Variants in CACNA2D3 observed in about 807,000 individuals in gnomAD.
CACNA2D3 encodes the protein voltage-dependent calcium channel subunit alpha-2/delta-3.
A neutral mutation model predicts 160.6 loss-of-function variants in CACNA2D3; 60 were observed. The observed-to-expected ratio is 0.37, with a 90% CI of 0.30 to 0.46. The LOEUF is 0.46. CACNA2D3 is among the 20% of genes least tolerant of loss of function. CACNA2D3 has a pLI of 1.00. For missense variants in CACNA2D3, 1,205 were observed against 1,365.0 expected (o/e 0.88, Z 1.85); for synonymous variants, 558 against 492.9 (o/e 1.13, Z -1.75).
chr3:54,165,765 T>G (rs1444821444), intron 2 of CACNA2D3, among the ~76,000 whole-genome samples: 1 of 152,082 alleles, frequency 6.6e-6, no homozygotes, highest in African/African-American at 2.4e-5. Context: ...GCTACTGCAC[T>G]CCAGCTTGGG....
chr3:54,571,060 C>G lies in CACNA2D3; in HGVS notation c.888+956C>G, dbSNP rs368269094. 2.3e-3 allele frequency among the ~76,000 whole-genome samples: 354 copies of G among 152,200 alleles called. 3 individuals carry two copies. The South Asian group carries it at 0.031, about 13-fold the overall frequency. On this transcript the variant is annotated intron_variant, in intron 8 of 37. Coordinates refer to ENST00000474759, the MANE Select transcript of CACNA2D3 (RefSeq NM_018398.3). ...TTCAGTCAAATACATTTAAGAAATACATTGGTTTGGTCCGGAAAGGCAGGA... is the reference window on the plus strand; with the variant it reads ...TTCAGTCAAATACATTTAAGAAATAGATTGGTTTGGTCCGGAAAGGCAGGA...
At chr3:55,002,542 G>A (rs944672643) in intron 31 of CACNA2D3, among the ~76,000 whole-genome samples, 2 of 152,336 alleles carry the variant, frequency 1.3e-5, no homozygotes, top group African/African-American at 2.4e-5. Flanking sequence ...TGGTGAGAGC[G>A]TTTCTGTGAG....
chr3:54,465,368 T>A (rs1700603001), intron 4 of CACNA2D3, among the ~76,000 whole-genome samples: 1 of 152,214 alleles, frequency 6.6e-6, no homozygotes, highest in African/African-American at 2.4e-5. Flanking sequence ...CATTACTTTA[T>A]TACAGTAATT....
At chr3:54,445,132 C>A (rs1451436677) in intron 4 of CACNA2D3, among the ~76,000 whole-genome samples, 5 of 152,176 alleles carry the variant, frequency 3.3e-5, no homozygotes, top group African/African-American at 1.2e-4. Flanking sequence ...TGATTATGAG[C>A]CTCGGCTCAG....
At chr3:54,274,971 C>T (rs1308418553) in intron 2 of CACNA2D3, among the ~76,000 whole-genome samples, 1 of 152,230 alleles carries the variant, frequency 6.6e-6, no homozygotes, top group Non-Finnish European at 1.5e-5. Flanking sequence ...CCAGGTCTAA[C>T]CCACACTCAT....
rs1559455869 is a variant in CACNA2D3, at chr3:54,987,711, G to A, written c.2648G>A (p.Gly883Glu). 1 of 1,610,914 alleles carries A rather than the reference G, an allele frequency of 6.2e-7. No homozygotes were observed. The highest frequency in any genetic ancestry group is 1.7e-5 in the Admixed American group (1 of 59,290). ...QTGDFFGEIE[G>E]AVMNKLLTMG... ...GGAGACTTTTTTGGTGAGATCGAGG[G>A]AGCTGTGATGAACAAATTGCTAACA... The change falls in exon 31 of 38, where the codon GGA becomes GAA. Residue 883 changes from glycine (G) to glutamate (E), a missense_variant. This residue lies in a region of CACNA2D3 where 911 missense variants were observed against 1,002.2 expected (regional missense o/e 0.91). Coordinates refer to ENST00000474759, the MANE Select transcript of CACNA2D3 (RefSeq NM_018398.3).
At chr3:54,197,220 C>G (rs1481654779) in intron 2 of CACNA2D3, among the ~76,000 whole-genome samples, 1 of 152,080 alleles carries the variant, frequency 6.6e-6, no homozygotes, top group Non-Finnish European at 1.5e-5. Context: ...TTGTCGCTGT[C>G]TCCTTCCATC....
chr3:54,656,742 GT>G (rs1449284780), intron 11 of CACNA2D3, among the ~76,000 whole-genome samples: 8 of 152,242 alleles, frequency 5.3e-5, no homozygotes, highest in African/African-American at 1.9e-4. Context: ...AGATGGATTT[GT>G]TTTACCAGAA....
Position 54,681,382 on chromosome 3 carries a change from C to CAAAAAAAAAAAAAAAAAAAAAAA in CACNA2D3, c.1167+39145_1167+39167dup. ...TGAAACCCCATCTCTACTAAAAATA[C>CAAAAAAAAAAAAAAAAAAAAAAA]AAAAAAAAAAAAAAAAAAAAAAAAA... is the stretch of plus-strand genomic sequence containing the variant. On this transcript the variant is annotated intron_variant, in intron 11 of 37. Coordinates refer to ENST00000474759, the MANE Select transcript of CACNA2D3 (RefSeq NM_018398.3). Among the ~76,000 whole-genome samples, 2 of 62,096 alleles carry CAAAAAAAAAAAAAAAAAAAAAAA rather than the reference C, an allele frequency of 3.2e-5. 1 individual carries two copies. Among genetic ancestry groups the CAAAAAAAAAAAAAAAAAAAAAAA allele is most frequent in the Non-Finnish European group, 5.5e-5 (2 of 36,118 alleles). The allele number at this position is 62,096 out of a possible 152,430, so 40.7% of individuals were successfully genotyped here.
intron 5 of CACNA2D3, among the ~76,000 whole-genome samples, chr3:54,525,402 A>G (rs1482331349): frequency 6.6e-6 from 1 of 152,064 alleles, no homozygotes; most frequent in East Asian, 1.9e-4. Context: ...TTACATATTC[A>G]CCTTTTTGGT....
rs1417921334 is a variant in CACNA2D3, at chr3:54,365,667, C to A, written c.322-21048C>A. Among the ~76,000 whole-genome samples, 3 of 152,178 alleles carry A rather than the reference C, an allele frequency of 2.0e-5. 1 individual carries two copies. The highest frequency in any genetic ancestry group is 1.3e-4 in the Admixed American group (2 of 15,280). ...TCACCTGAGATTGGGAGTTTGAGAC[C>A]AGCCTGACCAAAATGGAGAAACCCT... On this transcript the variant is annotated intron_variant, in intron 3 of 37. Coordinates refer to ENST00000474759, the MANE Select transcript of CACNA2D3 (RefSeq NM_018398.3).
intron 13 of CACNA2D3, among the ~76,000 whole-genome samples, chr3:54,802,340 C>A (rs1287743680): frequency 6.6e-6 from 1 of 152,096 alleles, no homozygotes. Context: ...CAGAGAGATA[C>A]CTTTTGTGTC....
At chr3:54,934,627 G>T (rs1200958815) in intron 27 of CACNA2D3, among the ~76,000 whole-genome samples, 1 of 152,160 alleles carries the variant, frequency 6.6e-6, no homozygotes, top group East Asian at 1.9e-4. Context: ...GCATCCACGT[G>T]TCCACAGAGC....
chr3:54,461,509 G>A (rs1451893647), intron 4 of CACNA2D3, among the ~76,000 whole-genome samples: 1 of 151,406 alleles, frequency 6.6e-6, no homozygotes. Flanking sequence ...TCTTGGGAGG[G>A]TGTACGTGTC....
intron 31 of CACNA2D3, among the ~76,000 whole-genome samples, chr3:54,990,755 C>T (rs1307808513): frequency 6.6e-6 from 1 of 152,144 alleles, no homozygotes; most frequent in Non-Finnish European, 1.5e-5. Flanking sequence ...CCACTCACCT[C>T]GTGACCCATT....
intron 2 of CACNA2D3, among the ~76,000 whole-genome samples, chr3:54,288,026 A>T (rs1703078667): frequency 6.6e-6 from 1 of 152,024 alleles, no homozygotes; most frequent in South Asian, 2.1e-4. Flanking sequence ...GAAAAGCAAG[A>T]GCAAACACAT....
chr3:54,931,241 C>T (rs1203259685), intron 27 of CACNA2D3, among the ~76,000 whole-genome samples: 1 of 152,200 alleles, frequency 6.6e-6, no homozygotes, highest in Non-Finnish European at 1.5e-5. Flanking sequence ...TTCCTGGCAA[C>T]ATCTGCTTAC....
intron 2 of CACNA2D3, among the ~76,000 whole-genome samples, chr3:54,165,612 A>AG (rs1220415954): frequency 3.1e-5 from 4 of 129,732 alleles, no homozygotes; most frequent in Admixed American, 1.6e-4. Context: ...AAAAAAAAAA[A>AG]AAAAAAAGAA....
chr3:54,290,897 C>G (rs138983631), intron 2 of CACNA2D3, among the ~76,000 whole-genome samples: 2 of 149,630 alleles, frequency 1.3e-5, no homozygotes, highest in Non-Finnish European at 2.9e-5. Flanking sequence ...CATTCCACAC[C>G]GGGGCCTGTT....
Sources: allele counts gnomAD v4.1 joint callset (sites outside exome capture counted in the v4.1 genomes callset), GRCh38; gene constraint gnomAD v4.1.1; regional missense constraint gnomAD v4.1.1; transcripts MANE v1.5; gene names NCBI Gene and HGNC (gene_info 2026-07-23, HGNC 2026-07-21).